TANGO6: variants seen among roughly 807,000 people sequenced by gnomAD.
TANGO6 encodes the protein transport and golgi organization 6 homolog, also known as transport and Golgi organization protein 6 homolog.
Under a neutral mutation model 114.2 loss-of-function variants are expected in TANGO6, and 90 were observed. The ratio of observed to expected loss-of-function variants is 0.79; its 90% CI spans 0.66 to 0.94. TANGO6 has a LOEUF of 0.94. Among genes scored for constraint, TANGO6 ranks in the 40% least tolerant of loss-of-function variants. TANGO6 has a pLI of 0.00. For missense variants in TANGO6, 1,274 were observed against 1,315.3 expected (o/e 0.97, Z 0.49); for synonymous variants, 477 against 509.8 (o/e 0.94, Z 0.87).
At chr16:69,013,489 C>T (rs1180866110) in intron 15 of TANGO6, among the ~76,000 whole-genome samples, 2 of 151,912 alleles carry the variant, frequency 1.3e-5, no homozygotes, top group Admixed American at 6.6e-5. Flanking sequence ...TGGTGGCATG[C>T]GCCTGTGGTC....
intron 15 of TANGO6, among the ~76,000 whole-genome samples, chr16:68,989,967 C>G (rs1963933187): frequency 6.6e-6 from 1 of 152,136 alleles, no homozygotes; most frequent in Non-Finnish European, 1.5e-5. Context: ...GATCTTCGTC[C>G]TGCTTGTTTT....
chr16:68,952,111 G>A (rs1410366368), intron 14 of TANGO6, among the ~76,000 whole-genome samples: 1 of 152,182 alleles, frequency 6.6e-6, no homozygotes, highest in African/African-American at 2.4e-5. Context: ...CAGGTAAAGA[G>A]TCAGTTGCTT....
chr16:69,067,601 T>G (rs1162590485), intron 17 of TANGO6, among the ~76,000 whole-genome samples: 2 of 146,782 alleles, frequency 1.4e-5, no homozygotes, highest in African/African-American at 2.6e-5. Flanking sequence ...GGGCGGATCA[T>G]GAGGTCAGGA....
At chr16:69,019,360 G>T (rs1959362209) in intron 15 of TANGO6, among the ~76,000 whole-genome samples, 1 of 152,106 alleles carries the variant, frequency 6.6e-6, no homozygotes, top group Non-Finnish European at 1.5e-5. Flanking sequence ...TTTAGTTTTG[G>T]CAGCATACGT....
At chr16:68,919,385 A>G (rs1963056852) in intron 12 of TANGO6, among the ~76,000 whole-genome samples, 166 bp downstream of exon 12, 1 of 152,344 alleles carries the variant, frequency 6.6e-6, no homozygotes, top group East Asian at 1.9e-4. Context: ...AGTAGAGAAC[A>G]AGAAAGTTGC....
intron 7 of TANGO6, among the ~76,000 whole-genome samples, chr16:68,894,960 A>G (rs1962684485): frequency 6.6e-6 from 1 of 152,090 alleles, no homozygotes; most frequent in Non-Finnish European, 1.5e-5. Flanking sequence ...TTTGTCTCAG[A>G]CAGATCTGGG....
intron 14 of TANGO6, among the ~76,000 whole-genome samples, chr16:68,950,654 T>C (rs1367286551): frequency 1.3e-5 from 2 of 149,262 alleles, no homozygotes; most frequent in Non-Finnish European, 3.0e-5. Context: ...AGTTCAGGAG[T>C]TCGAGACCAG....
chr16:68,911,964 A>G (rs1171173573), intron 11 of TANGO6, among the ~76,000 whole-genome samples: 1 of 152,222 alleles, frequency 6.6e-6, no homozygotes, highest in Non-Finnish European at 1.5e-5. Context: ...AATGCCTGCA[A>G]TGGTTGAAGT....
At chr16:68,887,674 C>T (rs1597005972) in intron 7 of TANGO6, among the ~76,000 whole-genome samples, 1 of 151,992 alleles carries the variant, frequency 6.6e-6, no homozygotes, top group African/African-American at 2.4e-5. Context: ...GTCAGGAGGT[C>T]GAGACCAGCC....
chr16:69,041,828 C>T (rs542459840), intron 17 of TANGO6, among the ~76,000 whole-genome samples: 7 of 152,222 alleles, frequency 4.6e-5, no homozygotes, highest in Non-Finnish European at 7.3e-5. Context: ...TCTCACATCA[C>T]AAGAAATATG....
chr16:68,846,959 C>T (rs999867441), intron 1 of TANGO6: 3 of 150,744 alleles, frequency 2.0e-5, no homozygotes, highest in Non-Finnish European at 4.4e-5. Flanking sequence ...GGCGTGATCT[C>T]GGCTCATTGC....
intron 7 of TANGO6, among the ~76,000 whole-genome samples, chr16:68,897,953 G>A (rs145139995): frequency 6.6e-6 from 1 of 152,076 alleles, no homozygotes; most frequent in South Asian, 2.1e-4. Context: ...AAAGTTTGGG[G>A]TGCTTTGGCC....
At chr16:69,037,195 T>A (rs1213484382) in intron 16 of TANGO6, among the ~76,000 whole-genome samples, 1 of 149,552 alleles carries the variant, frequency 6.7e-6, no homozygotes, top group Non-Finnish European at 1.5e-5. Flanking sequence ...CCAGGCAGGA[T>A]GCTTCTGCCT....
At chr16:68,928,145 A>G in intron 13 of TANGO6, 62 bp downstream of exon 13, 1 of 1,470,214 alleles carries the variant, frequency 6.8e-7, no homozygotes, top group Admixed American at 2.5e-5. Context: ...CAACTCAAGT[A>G]TTTTTGGAGC....
chr16:69,025,644 T>A (rs1307512626), intron 16 of TANGO6, among the ~76,000 whole-genome samples: 1 of 152,202 alleles, frequency 6.6e-6, no homozygotes. Context: ...TAGCTTAGCT[T>A]TCGGGCTTTA....
intron 11 of TANGO6, among the ~76,000 whole-genome samples, chr16:68,915,815 T>C (rs1250473043): frequency 6.6e-6 from 1 of 152,208 alleles, no homozygotes; most frequent in Non-Finnish European, 1.5e-5. Flanking sequence ...CTCCTGACTT[T>C]AAGCTTGCAA....
At chr16:68,904,095 G>A (rs1962818689) in intron 9 of TANGO6, among the ~76,000 whole-genome samples, 1 of 151,978 alleles carries the variant, frequency 6.6e-6, no homozygotes, top group African/African-American at 2.4e-5. Flanking sequence ...TAATTGTCAT[G>A]TGTTTTTGTT....
rs866348217 is a variant in TANGO6 at position 69,012,544 on chromosome 16, G to A, written c.2843-10284G>A. 3.0e-3 allele frequency among the ~76,000 whole-genome samples: 244 copies of A among 80,228 alleles called. 1 individual carries two copies. Among genetic ancestry groups the A allele is most frequent in the African/African-American group, 0.012 (218 of 18,574 alleles). 52.6% of individuals were successfully genotyped at this position (80,228 alleles called of 152,430 possible). ...GCACTCCAGCCTGGGCAACAAGAGC[G>A]AAACTCTGTCTCAAAAAAAAAAAAA... is the stretch of plus-strand genomic sequence containing the variant. On this transcript the variant is annotated intron_variant, in intron 15 of 17. Coordinates refer to ENST00000261778, the MANE Select transcript of TANGO6 (RefSeq NM_024562.2).
intron 1 of TANGO6, among the ~76,000 whole-genome samples, chr16:68,853,954 C>T (rs1961944189): frequency 6.6e-6 from 1 of 152,072 alleles, no homozygotes; most frequent in African/African-American, 2.4e-5. Flanking sequence ...AATAATTGTC[C>T]ATTTTTTTAA....
Sources: allele counts gnomAD v4.1 joint callset (sites outside exome capture counted in the v4.1 genomes callset), GRCh38; gene constraint gnomAD v4.1.1; transcripts MANE v1.5; gene names NCBI Gene and HGNC (gene_info 2026-07-23, HGNC 2026-07-21).